Variants in SCUBE2 observed in about 807,000 individuals in gnomAD.
SCUBE2 encodes signal peptide, CUB and EGF-like domain-containing protein 2.
Under a neutral mutation model 125.9 loss-of-function variants are expected in SCUBE2, and 114 were observed. The ratio of observed to expected loss-of-function variants is 0.91; its 90% CI spans 0.78 to 1.06. The LOEUF (loss-of-function observed/expected upper bound fraction) is 1.06. Among genes scored for constraint, SCUBE2 ranks in the 50% least tolerant of loss-of-function variants. The pLI, the probability that SCUBE2 is intolerant of heterozygous loss-of-function variation, is 0.00. For missense variants in SCUBE2, 1,255 were observed against 1,301.8 expected (o/e 0.96, Z 0.55); for synonymous variants, 459 against 492.9 (o/e 0.93, Z 0.91).
chr11:9,021,642 C>T lies in SCUBE2; in HGVS notation c.2934+234G>A, dbSNP rs556601657. 5.3e-5 allele frequency among the ~76,000 whole-genome samples: 8 copies of T among 152,298 alleles called. No individual in the cohort carries two copies. The South Asian group carries it at 1.5e-3, about 28-fold the overall frequency. ...GGTTTGGATTTATAAGCAAATTTCT[C>T]CCTGCCCCTCCACAAGTTTCCAAAT... is the stretch of plus-strand genomic sequence containing the variant. On this transcript the variant is annotated intron_variant, in intron 22 of 22. Transcript: ENST00000649792.
At chr11:9,078,559 G>C (rs142478491) in intron 3 of SCUBE2, among the ~76,000 whole-genome samples, 3 of 152,194 alleles carry the variant, frequency 2.0e-5, no homozygotes, top group Non-Finnish European at 4.4e-5. Context: ...ATAAGGGGGC[G>C]TCTGAATGGC....
At chr11:9,057,133 A>C (rs1165442414) in intron 9 of SCUBE2, 1 of 152,216 alleles carries the variant, frequency 6.6e-6, no homozygotes, top group African/African-American at 2.4e-5. Flanking sequence ...AGTTGTCGAG[A>C]AAGTGCACTT....
chr11:9,059,994 G>C (rs1859500935), intron 8 of SCUBE2, among the ~76,000 whole-genome samples: 2 of 152,164 alleles, frequency 1.3e-5, no homozygotes, highest in Non-Finnish European at 2.9e-5. Flanking sequence ...CTCTTCATCA[G>C]TAAAAGTTAA....
intron 4 of SCUBE2, among the ~76,000 whole-genome samples, chr11:9,070,936 T>C (rs1860740622): frequency 6.6e-6 from 1 of 152,230 alleles, no homozygotes; most frequent in Non-Finnish European, 1.5e-5. Flanking sequence ...CATTCATCCA[T>C]GCCAAGGGTG....
intron 9 of SCUBE2, 81 bp downstream of exon 9, chr11:9,059,221 AG>A: frequency 6.6e-6 from 10 of 1,516,518 alleles, no homozygotes; most frequent in Non-Finnish European, 9.0e-6. Flanking sequence ...CTGATAAGCC[AG>A]TCTCTGCCAG....
intron 21 of SCUBE2, chr11:9,022,524 C>T (rs1485534985): frequency 6.5e-6 from 1 of 153,462 alleles, no homozygotes; most frequent in Non-Finnish European, 1.5e-5. Context: ...GCCCCCATCA[C>T]TCCTCCAAAA....
chr11:9,041,390 G>A (rs1590039134), intron 16 of SCUBE2, among the ~76,000 whole-genome samples: 2 of 152,176 alleles, frequency 1.3e-5, no homozygotes. Context: ...CAAGGAGAGT[G>A]TGAAGACAGA....
rs183195734 is a variant in SCUBE2, at chr11:9,054,594, T to G, written c.1208-835A>C. Among the ~76,000 whole-genome samples, 48 of 151,216 alleles carry G rather than the reference T, an allele frequency of 3.2e-4. 1 individual carries two copies. The East Asian group carries it at 8.2e-3, about 26-fold the overall frequency. ...GACATACATCCATACTCAGGGTACA[T>G]TTCCTCGAGGTTTCCTGATGGACTG... On this transcript the variant is annotated intron_variant, in intron 10 of 22. Transcript: ENST00000649792.
chr11:9,047,606 G>T, intron 15 of SCUBE2, 44 bp from the exon 16 acceptor site: 1 of 1,581,542 alleles, frequency 6.3e-7, no homozygotes, highest in Non-Finnish European at 8.7e-7. Context: ...AGATCAGGCT[G>T]CAGCGTGTGA....
chr11:9,037,289 G>A (rs977214684), intron 16 of SCUBE2, among the ~76,000 whole-genome samples: 20 of 152,298 alleles, frequency 1.3e-4, no homozygotes, highest in Admixed American at 1.0e-3. Context: ...TGCCTTCAGT[G>A]ACCATTAAAA....
chr11:9,059,213 G>C, intron 9 of SCUBE2, 90 bp downstream of exon 9: 1 of 1,489,488 alleles, frequency 6.7e-7, no homozygotes, highest in Non-Finnish European at 9.1e-7. Flanking sequence ...CAAGAAGCCT[G>C]ATAAGCCAGT....
chr11:9,071,890 G>T (rs1860830266), intron 4 of SCUBE2, among the ~76,000 whole-genome samples: 1 of 152,072 alleles, frequency 6.6e-6, no homozygotes, highest in African/African-American at 2.4e-5. Flanking sequence ...CTCATTCTGA[G>T]AGCCTGAGCA....
chr11:9,090,098 C>A (rs1421945213), intron 1 of SCUBE2, among the ~76,000 whole-genome samples: 1 of 152,172 alleles, frequency 6.6e-6, no homozygotes, highest in East Asian at 1.9e-4. Flanking sequence ...CTGCCATGAC[C>A]CCCATTGTAG....
At chr11:9,056,928 A>G (rs1469839471) in intron 9 of SCUBE2, among the ~76,000 whole-genome samples, 2 of 152,242 alleles carry the variant, frequency 1.3e-5, no homozygotes. Context: ...AGAATGAAAA[A>G]GCAAAATAAA....
chr11:9,045,200 A>ATT (rs964667958), intron 16 of SCUBE2, among the ~76,000 whole-genome samples: 2 of 152,056 alleles, frequency 1.3e-5, no homozygotes, highest in African/African-American at 4.8e-5. Flanking sequence ...ACTATATAAA[A>ATT]TTTCCTTTTT....
chr11:9,043,574 A>G (rs1388532621), intron 16 of SCUBE2, among the ~76,000 whole-genome samples: 1 of 151,886 alleles, frequency 6.6e-6, no homozygotes, highest in Non-Finnish European at 1.5e-5. Context: ...ACTTTACTAT[A>G]TAAAATAATG....
chr11:9,080,665 GAA>G (rs1198445139), intron 2 of SCUBE2, among the ~76,000 whole-genome samples: 2 of 150,360 alleles, frequency 1.3e-5, no homozygotes, highest in African/African-American at 2.4e-5. Flanking sequence ...AAAAAAAGGA[GAA>G]AAAGAGAAAA....
At chr11:9,042,679 G>A (rs1245507312) in intron 16 of SCUBE2, among the ~76,000 whole-genome samples, 4 of 152,048 alleles carry the variant, frequency 2.6e-5, no homozygotes, top group African/African-American at 4.8e-5. Flanking sequence ...ACCCCCTGGC[G>A]TTTTCTCAGT....
At chr11:9,089,327 G>A (rs1484202091) in intron 2 of SCUBE2, among the ~76,000 whole-genome samples, 1 of 152,200 alleles carries the variant, frequency 6.6e-6, no homozygotes, top group African/African-American at 2.4e-5. Context: ...CAGACTTCAG[G>A]GCAAAGGTAC....
Sources: allele counts gnomAD v4.1 joint callset (sites outside exome capture counted in the v4.1 genomes callset), GRCh38; gene constraint gnomAD v4.1.1; transcripts MANE v1.5; gene names NCBI Gene and HGNC (gene_info 2026-07-23, HGNC 2026-07-21).